NRG3: variants seen among roughly 807,000 people sequenced by gnomAD.
NRG3 encodes the protein pro-neuregulin-3, membrane-bound isoform.
Under a neutral mutation model 66.9 loss-of-function variants are expected in NRG3, and 31 were observed. That is an observed-to-expected ratio of 0.46 (90% CI 0.35 to 0.63). The LOEUF (loss-of-function observed/expected upper bound fraction) is 0.63. NRG3 is among the 20% of genes least tolerant of loss of function. NRG3 has a pLI of 0.00. For synonymous variants in NRG3, 393 were observed against 359.4 expected (o/e 1.09, Z -1.06); for missense variants, 910 against 878.9 (o/e 1.04, Z -0.45).
intron 2 of NRG3, among the ~76,000 whole-genome samples, chr10:82,541,350 G>A (rs564845857): frequency 2.0e-5 from 3 of 152,148 alleles, no homozygotes; most frequent in Non-Finnish European, 4.4e-5. Context: ...CTCGGACACC[G>A]AGTTGTGGAA....
chr10:82,096,501 A>G (rs960209097), intron 1 of NRG3, among the ~76,000 whole-genome samples: 5 of 151,852 alleles, frequency 3.3e-5, no homozygotes, highest in Non-Finnish European at 7.4e-5. Context: ...AAAAACAACA[A>G]CAACCACAAA....
At chr10:82,338,133 A>C (rs771609949) in intron 1 of NRG3, among the ~76,000 whole-genome samples, 64 of 152,184 alleles carry the variant, frequency 4.2e-4, no homozygotes, top group Non-Finnish European at 7.8e-4. Flanking sequence ...AAACATAAAA[A>C]ACTTTTATGG....
intron 2 of NRG3, among the ~76,000 whole-genome samples, chr10:82,538,389 A>G (rs901751849): frequency 8.5e-5 from 13 of 152,338 alleles, no homozygotes; most frequent in South Asian, 2.1e-4. Flanking sequence ...CATTTCAACT[A>G]GAAATTTAGT....
chr10:82,444,576 A>G (rs925735268), intron 2 of NRG3, among the ~76,000 whole-genome samples: 21 of 152,064 alleles, frequency 1.4e-4, no homozygotes, highest in African/African-American at 5.1e-4. Context: ...GAGGGGGGAA[A>G]ATGAGGGGAG....
At chr10:82,170,668 A>G (rs541195485) in intron 1 of NRG3, among the ~76,000 whole-genome samples, 59 of 106,152 alleles carry the variant, frequency 5.6e-4, no homozygotes, top group East Asian at 1.2e-3. Context: ...ATATATATAT[A>G]TATATATATA....
At chr10:82,391,587 A>G (rs1281642142) in intron 2 of NRG3, among the ~76,000 whole-genome samples, 1 of 152,042 alleles carries the variant, frequency 6.6e-6, no homozygotes, top group East Asian at 1.9e-4. Flanking sequence ...TTGCCATGGA[A>G]TCCCTTTGTC....
chr10:82,726,670 A>G (rs1365224401), intron 2 of NRG3, among the ~76,000 whole-genome samples: 1 of 152,178 alleles, frequency 6.6e-6, no homozygotes, highest in Non-Finnish European at 1.5e-5. Flanking sequence ...GTGAAAATGG[A>G]CTAATACATT....
chr10:82,854,734 T>G (rs1348390239), intron 3 of NRG3, among the ~76,000 whole-genome samples: 5 of 152,246 alleles, frequency 3.3e-5, no homozygotes, highest in African/African-American at 1.2e-4. Context: ...ACACAGTTTC[T>G]TGATGGTATC....
intron 2 of NRG3, among the ~76,000 whole-genome samples, chr10:82,630,635 G>A (rs11195363): frequency 3.3e-5 from 5 of 151,488 alleles, no homozygotes; most frequent in Non-Finnish European, 5.9e-5. Flanking sequence ...CTGAGATCAC[G>A]CCACTGCATT....
intron 1 of NRG3, among the ~76,000 whole-genome samples, chr10:82,309,612 G>A (rs1353967955): frequency 2.0e-5 from 3 of 152,192 alleles, no homozygotes; most frequent in Admixed American, 6.5e-5. Context: ...GGAAAAGAGG[G>A]TAGACAGTAG....
intron 1 of NRG3, among the ~76,000 whole-genome samples, chr10:81,912,373 C>T (rs1375071550): frequency 1.3e-5 from 2 of 152,078 alleles, no homozygotes; most frequent in Non-Finnish European, 2.9e-5. Context: ...AGGTGTGTAA[C>T]ACCAAACCTG....
intron 1 of NRG3, among the ~76,000 whole-genome samples, chr10:81,941,603 A>G (rs370996329): frequency 9.2e-5 from 14 of 152,120 alleles, no homozygotes; most frequent in Non-Finnish European, 1.8e-4. Context: ...TTATTTACAA[A>G]AGCTCTGTGA....
chr10:82,925,829 C>T (rs2132110376), intron 4 of NRG3, among the ~76,000 whole-genome samples: 1 of 152,106 alleles, frequency 6.6e-6, no homozygotes, highest in Middle Eastern at 3.4e-3. Flanking sequence ...GAAAGATGAC[C>T]TATTGCCTTA....
chr10:82,453,742 G>A (rs1407853157), intron 2 of NRG3, among the ~76,000 whole-genome samples: 2 of 151,254 alleles, frequency 1.3e-5, no homozygotes, highest in Non-Finnish European at 2.9e-5. Context: ...CATAGATCTC[G>A]GTGAGTTATT....
At chr10:82,807,532 A>T (rs1452746731) in intron 3 of NRG3, among the ~76,000 whole-genome samples, 2 of 152,210 alleles carry the variant, frequency 1.3e-5, no homozygotes. Context: ...GTGAACACAC[A>T]TCCATAGGAC....
At chr10:82,223,642 AACACACACAC>A (rs398014296) in intron 1 of NRG3, among the ~76,000 whole-genome samples, 34 of 138,012 alleles carry the variant, frequency 2.5e-4, no homozygotes, top group African/African-American at 5.8e-4. Flanking sequence ...AACCACCCCA[AACACACACAC>A]ACACACACAC....
At chr10:82,782,935 T>A (rs1002527188) in intron 3 of NRG3, among the ~76,000 whole-genome samples, 14 of 152,184 alleles carry the variant, frequency 9.2e-5, no homozygotes, top group Non-Finnish European at 1.5e-5. Flanking sequence ...ATATCCTTGA[T>A]GAACATTGAT....
intron 3 of NRG3, among the ~76,000 whole-genome samples, chr10:82,804,553 A>G (rs138855878): frequency 6.6e-6 from 1 of 152,194 alleles, no homozygotes; most frequent in Non-Finnish European, 1.5e-5. Context: ...TAGCCACAAA[A>G]TCATTATCAT....
chr10:82,795,047 A>G (rs1286956086), intron 3 of NRG3, among the ~76,000 whole-genome samples: 2 of 152,230 alleles, frequency 1.3e-5, no homozygotes, highest in Non-Finnish European at 2.9e-5. Context: ...AAACTCACGT[A>G]TAAAAATACA....
Sources: gnomAD v4.1 joint callset for allele counts (sites outside exome capture counted in the v4.1 genomes callset) on GRCh38, gnomAD v4.1.1 for gene constraint, MANE v1.5 for transcripts, NCBI Gene and HGNC (gene_info 2026-07-23, HGNC 2026-07-21) for gene names.